The following MEGF11 variants were observed in gnomAD, a reference collection of about 807,000 sequenced individuals.
MEGF11 encodes multiple EGF like domains 11.
In MEGF11, 126 loss-of-function variants were observed where a neutral mutation model predicts 146.6. That is an observed-to-expected ratio of 0.86 (90% CI 0.74 to 1.00). MEGF11 has a LOEUF of 1.00. MEGF11 is among the 50% of genes least tolerant of loss of function. The pLI, the probability that MEGF11 is intolerant of heterozygous loss-of-function variation, is 0.00. For synonymous variants in MEGF11, 532 were observed against 583.4 expected (o/e 0.91, Z 1.27); for missense variants, 1,509 against 1,521.2 (o/e 0.99, Z 0.13).
intron 5 of MEGF11, among the ~76,000 whole-genome samples, chr15:66,049,767 C>T (rs550435136): frequency 6.6e-6 from 1 of 152,298 alleles, no homozygotes; most frequent in South Asian, 2.1e-4. Context: ...AGCTTCACTC[C>T]CTCAGGATCT....
At chr15:65,909,857 T>C (rs2141179511) in intron 21 of MEGF11, 51 bp from the exon 22 acceptor site, 1 of 1,466,048 alleles carries the variant, frequency 6.8e-7, no homozygotes, top group South Asian at 1.2e-5. Context: ...CAGGTACCCC[T>C]CCCCAGTCTT....
chr15:65,970,988 C>A, intron 7 of MEGF11: 1 of 416,700 alleles, frequency 2.4e-6, no homozygotes, highest in Non-Finnish European at 4.4e-6. Context: ...CAGAAAGAGC[C>A]AAAAAAACCG....
chr15:66,092,791 C>T (rs2086373520), intron 5 of MEGF11, among the ~76,000 whole-genome samples: 1 of 152,212 alleles, frequency 6.6e-6, no homozygotes, highest in African/African-American at 2.4e-5. Context: ...GGGACCCAGG[C>T]TGTATTTCAA....
chr15:66,062,479 T>A (rs2084944469), intron 5 of MEGF11, among the ~76,000 whole-genome samples: 2 of 152,120 alleles, frequency 1.3e-5, no homozygotes, highest in South Asian at 4.1e-4. Flanking sequence ...TGCAGGAGGA[T>A]GGGGCCCCAG....
At chr15:66,094,359 G>T in intron 5 of MEGF11, 43 bp downstream of exon 5, 1 of 1,510,750 alleles carries the variant, frequency 6.6e-7, no homozygotes, top group South Asian at 1.2e-5. Flanking sequence ...CCCCTACCAA[G>T]TCAGAGCCAG....
chr15:65,985,295 C>G (rs1423889021), intron 5 of MEGF11, among the ~76,000 whole-genome samples: 1 of 152,184 alleles, frequency 6.6e-6, no homozygotes, highest in Non-Finnish European at 1.5e-5. Flanking sequence ...CTTTGGGACA[C>G]TTTCTGGAGG....
chr15:66,130,516 C>T (rs899726774), intron 1 of MEGF11, among the ~76,000 whole-genome samples: 5 of 151,800 alleles, frequency 3.3e-5, no homozygotes, highest in South Asian at 2.1e-4. Flanking sequence ...TCCTCTGGTC[C>T]CTTTTGACCC....
intron 4 of MEGF11, among the ~76,000 whole-genome samples, chr15:66,096,817 G>C (rs372387887): frequency 1.3e-5 from 2 of 152,114 alleles, no homozygotes; most frequent in East Asian, 3.9e-4. Flanking sequence ...TCTCCAAGCT[G>C]GGGGGGAACA....
At chr15:66,249,832 A>G (rs949533346) in intron 1 of MEGF11, among the ~76,000 whole-genome samples, 16 of 152,192 alleles carry the variant, frequency 1.1e-4, no homozygotes, top group Non-Finnish European at 2.4e-4. Flanking sequence ...TGGCCCAGTA[A>G]CCTGTGTTTT....
At chr15:66,167,422 AC>A (rs1411211191) in intron 1 of MEGF11, among the ~76,000 whole-genome samples, 5 of 152,060 alleles carry the variant, frequency 3.3e-5, no homozygotes, top group Non-Finnish European at 7.4e-5. Context: ...CGGGCGGATC[AC>A]CTGAGGTTGG....
intron 1 of MEGF11, among the ~76,000 whole-genome samples, chr15:66,181,540 A>ACT (rs2090549449): frequency 6.6e-6 from 1 of 151,880 alleles, no homozygotes; most frequent in Non-Finnish European, 1.5e-5. Context: ...TTCTACTATC[A>ACT]TCCCAATTTC....
At chr15:66,093,042 A>G (rs1442140132) in intron 5 of MEGF11, among the ~76,000 whole-genome samples, 9 of 152,226 alleles carry the variant, frequency 5.9e-5, no homozygotes, top group Non-Finnish European at 1.3e-4. Context: ...CCTGTGCCTC[A>G]GTTTACCTTT....
intron 10 of MEGF11, among the ~76,000 whole-genome samples, chr15:65,943,808 C>T (rs1343855771): frequency 3.3e-5 from 5 of 151,940 alleles, no homozygotes; most frequent in East Asian, 1.9e-4. Context: ...GAGCATGGTA[C>T]GGGTCAAAGT....
At chr15:66,146,197 A>C (rs2089364501) in intron 1 of MEGF11, among the ~76,000 whole-genome samples, 1 of 152,254 alleles carries the variant, frequency 6.6e-6, no homozygotes, top group African/African-American at 2.4e-5. Context: ...TGTAAAGATC[A>C]AAAAGATAAC....
chr15:66,111,766 G>T (rs1033419171), intron 4 of MEGF11, among the ~76,000 whole-genome samples: 4 of 152,240 alleles, frequency 2.6e-5, no homozygotes, highest in African/African-American at 7.2e-5. Flanking sequence ...AGTGACTGCT[G>T]AATGGGTATG....
intron 1 of MEGF11, among the ~76,000 whole-genome samples, chr15:66,164,502 A>G (rs1006551352): frequency 2.6e-5 from 4 of 152,140 alleles, no homozygotes; most frequent in Admixed American, 2.0e-4. Context: ...GGGCAAGTGC[A>G]TTACTTCTCT....
rs1246133876 is a variant in MEGF11 at position 65,961,836 on chromosome 15, G to T, written c.1112+3072C>A. On this transcript the variant is annotated intron_variant, in intron 9 of 25. Transcript: ENST00000395614. The stretch of plus-strand genomic sequence containing the variant: ...GGCTTTGTTGTAAGTTCTGCAGAAG[G>T]CAGGGAGCTTTGAGGCTAGGCTTCT... 2.0e-5 allele frequency among the ~76,000 whole-genome samples: 3 copies of T among 152,118 alleles called. No homozygotes were observed. The South Asian group carries it at 6.2e-4, about 32-fold the overall frequency.
chr15:66,125,483 G>A (rs1169187177), intron 2 of MEGF11, among the ~76,000 whole-genome samples: 1 of 152,180 alleles, frequency 6.6e-6, no homozygotes, highest in Non-Finnish European at 1.5e-5. Context: ...GCAGTAGGAG[G>A]GCGAGTTTGA....
At chr15:65,926,556 G>C (rs977161563) in intron 13 of MEGF11, among the ~76,000 whole-genome samples, 1 of 152,234 alleles carries the variant, frequency 6.6e-6, no homozygotes, top group Admixed American at 6.5e-5. Flanking sequence ...CGGTGTGCCA[G>C]GGACTGGGAA....
Sources: allele counts gnomAD v4.1 joint callset (sites outside exome capture counted in the v4.1 genomes callset), GRCh38; gene constraint gnomAD v4.1.1; transcripts MANE v1.5; gene names NCBI Gene and HGNC (gene_info 2026-07-23, HGNC 2026-07-21).